The following EXOC4 variants were observed in gnomAD, a reference collection of about 807,000 sequenced individuals.
EXOC4 encodes SEC8-like 1.
A neutral mutation model predicts 107.2 loss-of-function variants in EXOC4; 71 were observed. The observed-to-expected ratio is 0.66, with a 90% CI of 0.55 to 0.81. The LOEUF (loss-of-function observed/expected upper bound fraction) is 0.81. EXOC4 is among the 30% of genes least tolerant of loss of function. EXOC4 has a pLI of 0.00. For synonymous variants in EXOC4, 456 were observed against 441.2 expected, an observed-to-expected ratio of 1.03 and a Z score of -0.42; for missense variants, 1,108 against 1,189.6, an observed-to-expected ratio of 0.93 and a Z score of 1.01.
chr7:133,420,568 A>C (rs1309984289), intron 7 of EXOC4, among the ~76,000 whole-genome samples: 6 of 152,090 alleles, frequency 3.9e-5, no homozygotes, highest in African/African-American at 1.2e-4. Context: ...AGCAAGTCAC[A>C]GTTCCCTCCC....
At chr7:133,312,806 C>T (rs1230259314) in intron 4 of EXOC4, among the ~76,000 whole-genome samples, 1 of 151,206 alleles carries the variant, frequency 6.6e-6, no homozygotes, top group African/African-American at 2.4e-5. Context: ...TTTTGGAAGG[C>T]AGTATACCAA....
At chr7:134,008,600 AGT>A (rs976331249) in intron 17 of EXOC4, among the ~76,000 whole-genome samples, 1 of 152,060 alleles carries the variant, frequency 6.6e-6, no homozygotes, top group Non-Finnish European at 1.5e-5. Flanking sequence ...CTGGGAGGAA[AGT>A]GAGAACTCAT....
intron 11 of EXOC4, among the ~76,000 whole-genome samples, chr7:133,850,476 G>C (rs1180048650): frequency 6.6e-6 from 1 of 152,016 alleles, no homozygotes; most frequent in African/African-American, 2.4e-5. Context: ...TCACCAAACA[G>C]GATATAGTAT....
At chr7:133,824,525 T>A (rs938163948) in intron 11 of EXOC4, among the ~76,000 whole-genome samples, 1 of 152,188 alleles carries the variant, frequency 6.6e-6, no homozygotes, top group Non-Finnish European at 1.5e-5. Context: ...TGGCCATTTA[T>A]TAGCAGCAGA....
At chr7:133,955,587 C>A (rs1367123513) in intron 14 of EXOC4, among the ~76,000 whole-genome samples, 1 of 152,230 alleles carries the variant, frequency 6.6e-6, no homozygotes, top group Non-Finnish European at 1.5e-5. Context: ...GCCTGGCCCC[C>A]AGGCTTCAGA....
intron 10 of EXOC4, among the ~76,000 whole-genome samples, chr7:133,660,462 T>C (rs1803413323): frequency 6.6e-6 from 1 of 152,212 alleles, no homozygotes; most frequent in Admixed American, 6.5e-5. Flanking sequence ...CCCTCTAAGG[T>C]ATTACTTCGG....
intron 7 of EXOC4, among the ~76,000 whole-genome samples, chr7:133,449,821 A>G (rs2150806258): frequency 6.6e-6 from 1 of 150,804 alleles, no homozygotes; most frequent in South Asian, 2.1e-4. Context: ...TATGTCTATC[A>G]TCTCTCCTCC....
intron 14 of EXOC4, among the ~76,000 whole-genome samples, chr7:133,948,093 C>T (rs1007089879): frequency 2.6e-5 from 4 of 152,210 alleles, no homozygotes; most frequent in African/African-American, 9.6e-5. Flanking sequence ...AGCAGAGTGA[C>T]TTGAACAAGA....
chr7:134,073,217 A>AAC, the EXOC4 span, among the ~76,000 whole-genome samples: 26 of 45,208 alleles, frequency 5.8e-4, no homozygotes, highest in Non-Finnish European at 7.9e-4. Context: ...AAAAAAAAAA[A>AAC]AAAAAAAAAA....
At chr7:133,673,511 G>A (rs1793991695) in intron 10 of EXOC4, among the ~76,000 whole-genome samples, 1 of 151,940 alleles carries the variant, frequency 6.6e-6, no homozygotes, top group Admixed American at 6.6e-5. Context: ...GTCTTTCTTG[G>A]TCTCACCACA....
chr7:133,802,180 C>T (rs1476678940), intron 10 of EXOC4, among the ~76,000 whole-genome samples: 2 of 152,322 alleles, frequency 1.3e-5, no homozygotes, highest in South Asian at 4.1e-4. Context: ...CTTCAAGATA[C>T]AGTCTGAAAG....
intron 9 of EXOC4, among the ~76,000 whole-genome samples, chr7:133,561,888 C>T (rs1156727111): frequency 6.6e-6 from 1 of 152,234 alleles, no homozygotes. Context: ...AGGCTCCTGC[C>T]ACCCGCCACC....
chr7:133,832,319 A>G (rs1797827995), intron 11 of EXOC4, among the ~76,000 whole-genome samples: 1 of 152,176 alleles, frequency 6.6e-6, no homozygotes, highest in Non-Finnish European at 1.5e-5. Context: ...GATGTTTTTA[A>G]TTTGCATACA....
chr7:133,317,178 A>G (rs1055327811), intron 4 of EXOC4, 106 bp from the exon 5 acceptor site: 6 of 726,210 alleles, frequency 8.3e-6, no homozygotes, highest in East Asian at 5.0e-5. Context: ...GTTCCAGTGT[A>G]AAGAGGGCTC....
chr7:134,026,571 G>T (rs931145859), intron 17 of EXOC4, among the ~76,000 whole-genome samples: 2 of 151,346 alleles, frequency 1.3e-5, no homozygotes, highest in African/African-American at 4.9e-5. Context: ...CCCAATAGCA[G>T]TTTGCTGAAT....
At chr7:133,961,280 CTTTT>C (rs34400471) in intron 14 of EXOC4, among the ~76,000 whole-genome samples, 7 of 77,010 alleles carry the variant, frequency 9.1e-5, no homozygotes, top group African/African-American at 3.3e-4. Flanking sequence ...TCATGTCAAA[CTTTT>C]TTTTTTTTTT....
At position 133,846,727 on chromosome 7, in the gene EXOC4, T is replaced by C. The variant is rs551612319; in HGVS notation, c.1734+29183T>C. Among the ~76,000 whole-genome samples the C allele has an allele frequency of 3.9e-5, 6 of 152,368 alleles. 1 individual carries two copies. The South Asian group carries it at 8.3e-4, about 21-fold the overall frequency. ...CATAGACAACATATATATAAGTGAA[T>C]GCATGTGGCTGTGTTCCAGTAAACT... On this transcript the variant is annotated intron_variant, in intron 11 of 17. Coordinates refer to ENST00000253861, the MANE Select transcript of EXOC4 (RefSeq NM_021807.4).
At chr7:133,693,513 G>T (rs1251504093) in intron 10 of EXOC4, among the ~76,000 whole-genome samples, 2 of 152,076 alleles carry the variant, frequency 1.3e-5, no homozygotes, top group Non-Finnish European at 2.9e-5. Context: ...ACAATACTTT[G>T]CATCCTTCAA....
At chr7:133,846,765 G>A (rs1021809633) in intron 11 of EXOC4, among the ~76,000 whole-genome samples, 12 of 152,226 alleles carry the variant, frequency 7.9e-5, no homozygotes, top group African/African-American at 2.7e-4. Flanking sequence ...ATTTACAAAA[G>A]TGGGTGGCAG....
Sources: gnomAD v4.1 joint callset for allele counts (sites outside exome capture counted in the v4.1 genomes callset) on GRCh38, gnomAD v4.1.1 for gene constraint, MANE v1.5 for transcripts, NCBI Gene and HGNC (gene_info 2026-07-23, HGNC 2026-07-21) for gene names.